The following CCDC14 variants were observed in gnomAD, a reference collection of about 807,000 sequenced individuals.
The protein encoded by CCDC14 is coiled-coil domain containing 14.
CCDC14 carries 71 observed loss-of-function variants against 81.4 expected under a neutral mutation model. That is an observed-to-expected ratio of 0.87 (90% CI 0.72 to 1.06). The LOEUF (loss-of-function observed/expected upper bound fraction) is 1.06, where lower values mean the gene tolerates loss of function less well. CCDC14 is among the 50% of genes least tolerant of loss of function. The probability of loss-of-function intolerance (pLI) is 0.00; values close to 1 mark genes in which losing one functional copy is unlikely to be tolerated. For synonymous variants in CCDC14, 332 were observed against 364.8 expected, an observed-to-expected ratio of 0.91 and a Z score of 1.03; for missense variants, 1,046 against 1,047.3, an observed-to-expected ratio of 1.00 and a Z score of 0.02.
intron 5 of CCDC14, among the ~76,000 whole-genome samples, chr3:123,908,222 C>T (rs1211928868): frequency 6.6e-6 from 1 of 152,172 alleles, no homozygotes. Context: ...ACCAAAGCCA[C>T]GTGGCTAGTT....
At chr3:123,889,595 G>A in the CCDC14 span, among the ~76,000 whole-genome samples, 1 of 152,244 alleles carries the variant, frequency 6.6e-6, no homozygotes, top group Non-Finnish European at 1.5e-5. Flanking sequence ...CTCCACCCCA[G>A]TGGGTCTGCA....
At chr3:123,906,880 A>C (rs748839549) in intron 5 of CCDC14, among the ~76,000 whole-genome samples, 8 of 152,164 alleles carry the variant, frequency 5.3e-5, no homozygotes, top group Non-Finnish European at 1.0e-4. Context: ...TTTTGCCTTC[A>C]TTTCTGAGAT....
At chr3:123,942,079 C>T (rs1439675495) in intron 9 of CCDC14, among the ~76,000 whole-genome samples, 2 of 151,982 alleles carry the variant, frequency 1.3e-5, no homozygotes, top group African/African-American at 4.8e-5. Context: ...TAAATCTCTA[C>T]TTCCTAACCG....
At chr3:123,942,093 C>T (rs755999627) in intron 9 of CCDC14, among the ~76,000 whole-genome samples, 1 of 151,950 alleles carries the variant, frequency 6.6e-6, no homozygotes, top group African/African-American at 2.4e-5. Flanking sequence ...CTAACCGAGA[C>T]AGTGTAAAAG....
chr3:123,947,557 T>C (rs976279312), intron 7 of CCDC14, among the ~76,000 whole-genome samples: 10 of 152,212 alleles, frequency 6.6e-5, no homozygotes, highest in African/African-American at 2.4e-4. Context: ...GAAACATTTC[T>C]GTAAATATGT....
intron 9 of CCDC14, among the ~76,000 whole-genome samples, chr3:123,942,984 A>C (rs941476928): frequency 1.2e-4 from 18 of 152,066 alleles, no homozygotes; most frequent in African/African-American, 3.9e-4. Context: ...ACGAGTGCTT[A>C]CTAAGGTTCT....
intron 12 of CCDC14, among the ~76,000 whole-genome samples, chr3:123,916,145 C>T (rs867643607): frequency 4.6e-5 from 7 of 151,670 alleles, no homozygotes; most frequent in Admixed American, 2.6e-4. Flanking sequence ...ATTACAGGTG[C>T]GCATCACCAC....
chr3:123,939,781 T>C (rs558666907), intron 9 of CCDC14, among the ~76,000 whole-genome samples: 1 of 151,860 alleles, frequency 6.6e-6, no homozygotes, highest in South Asian at 2.1e-4. Context: ...TTGCAAACTA[T>C]AAAGCGACAA....
intron 5 of CCDC14, chr3:123,952,715 T>C (rs1259093115): frequency 4.7e-6 from 2 of 429,552 alleles, no homozygotes; most frequent in Admixed American, 4.5e-5. Context: ...AGATAATGTG[T>C]GTTAAAAGTA....
chr3:123,899,818 T>C (rs1390679580), intron 5 of CCDC14, among the ~76,000 whole-genome samples: 1 of 152,228 alleles, frequency 6.6e-6, no homozygotes, highest in African/African-American at 2.4e-5. Flanking sequence ...TGGGTTCTTC[T>C]GTAGCTACTC....
chr3:123,908,388 C>T (rs1235839165), intron 5 of CCDC14, among the ~76,000 whole-genome samples: 2 of 152,038 alleles, frequency 1.3e-5, no homozygotes, highest in African/African-American at 2.4e-5. Flanking sequence ...ATGTAGTACA[C>T]GGCAGACAGC....
At chr3:123,948,563 G>T (rs1577320431) in intron 7 of CCDC14, 128 bp downstream of exon 7, 2 of 823,250 alleles carry the variant, frequency 2.4e-6, no homozygotes, top group Non-Finnish European at 3.8e-6. Context: ...AACTTTTATA[G>T]CAAAAAAAAA....
Position 123,913,997 on chromosome 3 carries a change from T to C in CCDC14, c.*782A>G. The stretch of plus-strand genomic sequence containing the variant: ...TTCTTCCAAAAAGGCAGAATTACAA[T>C]CAATGCCAAGATTTACAAATTCCAT... On this transcript the variant is annotated 3_prime_UTR_variant, in exon 13 of 13. Coordinates refer to ENST00000409697, the MANE Select transcript of CCDC14 (RefSeq NM_001366335.1). 1 of 985,454 alleles carries C rather than the reference T, an allele frequency of 1.0e-6. No homozygotes were observed. The highest frequency in any genetic ancestry group is 5.2e-4 in the Middle Eastern group (1 of 1,912). 61.0% of individuals were successfully genotyped at this position (985,454 alleles called of 1,614,324 possible).
At chr3:123,961,062 A>C in intron 1 of CCDC14, 82 bp downstream of exon 1, 1 of 1,209,352 alleles carries the variant, frequency 8.3e-7, no homozygotes, top group Non-Finnish European at 1.1e-6. Flanking sequence ...TTTTTCGAGC[A>C]GAGTTTTACA....
intron 12 of CCDC14, among the ~76,000 whole-genome samples, chr3:123,919,243 A>C (rs1422023174): frequency 6.6e-6 from 1 of 152,194 alleles, no homozygotes; most frequent in Non-Finnish European, 1.5e-5. Context: ...GCATCCTTAC[A>C]TATCTGCAGA....
chr3:123,921,267 CTG>C (rs1559769461), intron 12 of CCDC14, among the ~76,000 whole-genome samples: 1 of 152,164 alleles, frequency 6.6e-6, no homozygotes, highest in Non-Finnish European at 1.5e-5. Context: ...GAATCAAAAA[CTG>C]TATGCTGCTT....
At chr3:123,917,264 C>G (rs76472326) in intron 12 of CCDC14, among the ~76,000 whole-genome samples, 1 of 151,298 alleles carries the variant, frequency 6.6e-6, no homozygotes, top group Non-Finnish European at 1.5e-5. Flanking sequence ...GAGGCTGTGG[C>G]AGGCAGATCA....
rs1405273656 is a variant in CCDC14 at position 123,941,054 on chromosome 3, T to G, written c.1343+3795A>C. Among the ~76,000 whole-genome samples, 14 of 147,340 alleles carry G rather than the reference T, an allele frequency of 9.5e-5. No homozygotes were observed. The East Asian group carries it at 2.5e-3, about 26-fold the overall frequency. On this transcript the variant is annotated intron_variant, in intron 9 of 12. Transcript: ENST00000409697. ...CATTTTTATGTTCTGTGTGGCTACATAATGGTCTCATAGTTGAGTTTAATA... is the reference window on the plus strand; with the variant it reads ...CATTTTTATGTTCTGTGTGGCTACAGAATGGTCTCATAGTTGAGTTTAATA...
chr3:123,895,554 A>C (rs2034048149), downstream of CCDC14, among the ~76,000 whole-genome samples: 1 of 152,122 alleles, frequency 6.6e-6, no homozygotes, highest in South Asian at 2.1e-4. Context: ...AAAACAAAAC[A>C]TGTATGCCTG....
Sources: allele counts gnomAD v4.1 joint callset (sites outside exome capture counted in the v4.1 genomes callset), GRCh38; gene constraint gnomAD v4.1.1; transcripts MANE v1.5; gene names NCBI Gene and HGNC (gene_info 2026-07-23, HGNC 2026-07-21).